CLTCL1: variants seen among roughly 807,000 people sequenced by gnomAD.
The protein encoded by CLTCL1 is clathrin heavy chain 2.
A neutral mutation model predicts 190.0 loss-of-function variants in CLTCL1; 159 were observed. The observed-to-expected ratio is 0.84, with a 90% CI of 0.74 to 0.95. CLTCL1 has a LOEUF of 0.95. Ranked by LOEUF, CLTCL1 falls within the 40% of genes least tolerant of loss-of-function variation. The probability of loss-of-function intolerance (pLI) is 0.00; values close to 1 mark genes in which losing one functional copy is unlikely to be tolerated. For missense variants in CLTCL1, 1,878 were observed against 2,033.4 expected (o/e 0.92, Z 1.47); for synonymous variants, 752 against 769.6 (o/e 0.98, Z 0.38).
Position 19,183,525 on chromosome 22 carries a change from C to T in CLTCL1, c.4692G>A (p.Glu1564=). 1 of 1,613,820 alleles carries T rather than the reference C, an allele frequency of 6.2e-7. No individual in the cohort carries two copies. The part of the protein sequence containing the change: ...LQWFLEEGKR[E]CFAACLFTCY... ...AGGTGAAGAGACAAGCTGCGAAGCACTCCCTCTTGCCTTCCTCCAGGAACC... is the reference window on the plus strand; with the variant it reads ...AGGTGAAGAGACAAGCTGCGAAGCATTCCCTCTTGCCTTCCTCCAGGAACC... The change falls in exon 30 of 33, where the codon GAG becomes GAA. Residue 1564 remains glutamate, a synonymous_variant. Coordinates refer to ENST00000427926, the MANE Select transcript of CLTCL1 (RefSeq NM_007098.4).
chr22:19,179,854 G>A lies in CLTCL1; in HGVS notation c.*136C>T, dbSNP rs2084067730. 5.8e-6 allele frequency: 2 copies of A among 341,910 alleles called. No homozygotes were observed. Among genetic ancestry groups the A allele is most frequent in the East Asian group, 5.7e-5 (1 of 17,572 alleles). 21.2% of individuals were successfully genotyped at this position (341,910 alleles called of 1,614,324 possible). A position where few individuals can be genotyped will look rare whatever the true frequency, so the allele number is the denominator to read the frequency against. ...GGAGAAGTTAGTAACTCTGCAGGTA[G>A]GGTGGGTGGTGACAACGCCCACTAC... On this transcript the variant is annotated 3_prime_UTR_variant, in exon 33 of 33. Coordinates refer to ENST00000427926, the MANE Select transcript of CLTCL1 (RefSeq NM_007098.4).
chr22:19,269,229 G>A (rs977578680), intron 2 of CLTCL1, among the ~76,000 whole-genome samples: 4 of 151,822 alleles, frequency 2.6e-5, no homozygotes, highest in South Asian at 2.1e-4. Flanking sequence ...GTGAAACCCC[G>A]TCCCTACAAA....
chr22:19,221,869 A>T lies in CLTCL1; in HGVS notation c.2561+82T>A, dbSNP rs531256934. 246 of 1,483,888 alleles carry T rather than the reference A, an allele frequency of 1.7e-4. No homozygotes were observed. The African/African-American group carries it at 3.1e-3, about 19-fold the overall frequency. 91.9% of individuals were successfully genotyped at this position (1,483,888 alleles called of 1,614,324 possible). A position where few individuals can be genotyped will look rare whatever the true frequency, so the allele number is the denominator to read the frequency against. Reference sequence around the variant, plus strand: ...TGTACATGAACGACCAGCTATAGAGACAGTCCTGGAGAATTAGACAGAAAC... The same window carrying T: ...TGTACATGAACGACCAGCTATAGAGTCAGTCCTGGAGAATTAGACAGAAAC... On this transcript the variant is annotated intron_variant, in intron 16 of 32. Coordinates refer to ENST00000427926, the MANE Select transcript of CLTCL1 (RefSeq NM_007098.4).
At chr22:19,254,282 A>C (rs1601657931) in intron 2 of CLTCL1, 55 bp from the exon 3 acceptor site, 2 of 1,400,174 alleles carry the variant, frequency 1.4e-6, no homozygotes, top group Non-Finnish European at 2.0e-6. Flanking sequence ...TCTGAAAGAC[A>C]AATTCATATA....
At chr22:19,249,017 T>G (rs1347656770) in intron 3 of CLTCL1, among the ~76,000 whole-genome samples, 3 of 152,194 alleles carry the variant, frequency 2.0e-5, no homozygotes, top group Admixed American at 6.5e-5. Flanking sequence ...TGAACTGTCT[T>G]GGCAACCTTG....
At chr22:19,204,543 T>C (rs1375693333) in intron 22 of CLTCL1, among the ~76,000 whole-genome samples, 2 of 152,238 alleles carry the variant, frequency 1.3e-5, no homozygotes, top group Non-Finnish European at 2.9e-5. Context: ...AAGAATCTTA[T>C]GATTCACGGG....
At position 19,243,701 on chromosome 22, in the gene CLTCL1, T is replaced by C. The variant is rs111638632; in HGVS notation, c.520-765A>G. ...TTGTATTTTCTTTCTTTCTTTCTTTTTTTTTTTTTTTTTTGTGATGGAGTC... is the reference window on the plus strand; with the variant it reads ...TTGTATTTTCTTTCTTTCTTTCTTTCTTTTTTTTTTTTTTGTGATGGAGTC... On this transcript the variant is annotated intron_variant, in intron 3 of 32. Coordinates refer to ENST00000427926, the MANE Select transcript of CLTCL1 (RefSeq NM_007098.4). 3.6e-3 allele frequency among the ~76,000 whole-genome samples: 506 copies of C among 140,940 alleles called. 1 individual carries two copies. Among genetic ancestry groups the C allele is most frequent in the African/African-American group, 0.01 (375 of 37,060 alleles). The allele number at this position is 140,940 out of a possible 152,430, so 92.5% of individuals were successfully genotyped here.
rs2086013027 is a variant in CLTCL1 at position 19,234,417 on chromosome 22, A to G, written c.1167+92T>C. The G allele has an allele frequency of 9.6e-6, 11 of 1,143,234 alleles. No homozygotes were observed. The South Asian group carries it at 1.6e-4, about 17-fold the overall frequency. The allele number at this position is 1,143,234 out of a possible 1,614,324, so 70.8% of individuals were successfully genotyped here. On this transcript the variant is annotated intron_variant, in intron 7 of 32. Coordinates refer to ENST00000427926, the MANE Select transcript of CLTCL1 (RefSeq NM_007098.4). ...CCTAACATAACACTAATAGACTGCA[A>G]TATCACTAGTGAAATGCTTTTATGA...
At chr22:19,205,757 C>G (rs1030366602) in intron 22 of CLTCL1, among the ~76,000 whole-genome samples, 1 of 152,110 alleles carries the variant, frequency 6.6e-6, no homozygotes, top group Non-Finnish European at 1.5e-5. Context: ...CCACTGCTTA[C>G]ATGTTTAAAA....
At chr22:19,188,124 G>A in intron 27 of CLTCL1, 33 bp from the exon 28 acceptor site, 3 of 1,599,896 alleles carry the variant, frequency 1.9e-6, no homozygotes, top group Non-Finnish European at 2.6e-6. Context: ...AAGGCACTTG[G>A]CCAAGCTTGT....
chr22:19,180,019 G>C, intron 32 of CLTCL1, 50 bp from the exon 33 acceptor site: 1 of 610,972 alleles, frequency 1.6e-6, no homozygotes, highest in Non-Finnish European at 2.9e-6. Context: ...GCCCATGGGG[G>C]TCCTCTCCTG....
chr22:19,187,311 A>G (rs2084345424), intron 29 of CLTCL1, among the ~76,000 whole-genome samples: 3 of 151,958 alleles, frequency 2.0e-5, no homozygotes, highest in South Asian at 4.2e-4. Flanking sequence ...AAAAGAATCA[A>G]CTCCGTAAAA....
intron 14 of CLTCL1, 54 bp from the exon 15 acceptor site, chr22:19,222,863 G>T (rs1326545919): frequency 1.3e-6 from 2 of 1,559,620 alleles, no homozygotes; most frequent in Non-Finnish European, 8.7e-7. Flanking sequence ...CAGACAGCCA[G>T]ACCTCGGACT....
chr22:19,184,865 C>T lies in CLTCL1; in HGVS notation c.4606-1254G>A, dbSNP rs74663063. 1.7e-4 allele frequency: 52 copies of T among 297,486 alleles called. No individual in the cohort carries two copies. The East Asian group carries it at 2.9e-3, about 17-fold the overall frequency. 18.4% of individuals were successfully genotyped at this position (297,486 alleles called of 1,614,324 possible). A position where few individuals can be genotyped will look rare whatever the true frequency, so the allele number is the denominator to read the frequency against. Reference sequence around the variant, plus strand: ...ACACCCTCCTCTCTCATCACCTCCCCGGCCCATGCCACTCTCAGGGAGGCT... The same window carrying T: ...ACACCCTCCTCTCTCATCACCTCCCTGGCCCATGCCACTCTCAGGGAGGCT... On this transcript the variant is annotated intron_variant, in intron 29 of 32. Transcript: ENST00000427926.
chr22:19,231,174 T>C (rs2085909020), intron 10 of CLTCL1, among the ~76,000 whole-genome samples: 2 of 152,168 alleles, frequency 1.3e-5, no homozygotes, highest in East Asian at 3.8e-4. Context: ...TTGCAGACAG[T>C]CTATCACAGG....
chr22:19,250,302 C>T (rs543348998), intron 3 of CLTCL1, among the ~76,000 whole-genome samples: 29 of 148,960 alleles, frequency 1.9e-4, no homozygotes, highest in Admixed American at 6.7e-4. Flanking sequence ...GTTTTTTGGG[C>T]ACATCACTTT....
intron 1 of CLTCL1, among the ~76,000 whole-genome samples, chr22:19,288,083 C>G (rs73160236): frequency 0.058 from 8,896 of 152,212 alleles, 327 homozygotes; most frequent in Middle Eastern, 0.16. Context: ...AATTATCCCT[C>G]CTCTGCCCAG....
chr22:19,212,600 A>AG, intron 19 of CLTCL1, among the ~76,000 whole-genome samples: 1 of 148,954 alleles, frequency 6.7e-6, no homozygotes, highest in South Asian at 2.1e-4. Context: ...AGAAAGAAAG[A>AG]AAGGAAGGAA....
chr22:19,227,515 A>T (rs1337566009), intron 11 of CLTCL1, among the ~76,000 whole-genome samples: 3 of 144,470 alleles, frequency 2.1e-5, no homozygotes, highest in Admixed American at 1.4e-4. Context: ...CAGTGGCATG[A>T]CCCCACCCTG....
Sources: allele counts gnomAD v4.1 joint callset (sites outside exome capture counted in the v4.1 genomes callset), GRCh38; gene constraint gnomAD v4.1.1; transcripts MANE v1.5; gene names NCBI Gene and HGNC (gene_info 2026-07-23, HGNC 2026-07-21).